Variants in STK24 observed in about 807,000 individuals in gnomAD.
STK24 encodes serine/threonine kinase 24.
In STK24, 21 loss-of-function variants were observed where a neutral mutation model predicts 55.6. That is an observed-to-expected ratio of 0.38 (90% CI 0.27 to 0.54). The LOEUF is 0.54. Among genes scored for constraint, STK24 ranks in the 20% least tolerant of loss-of-function variants. The pLI, the probability that STK24 is intolerant of heterozygous loss-of-function variation, is 0.79. For synonymous variants in STK24, 200 were observed against 215.2 expected (o/e 0.93, Z 0.62); for missense variants, 383 against 538.4 (o/e 0.71, Z 2.86).
intron 2 of STK24, among the ~76,000 whole-genome samples, chr13:98,487,186 G>C (rs1894840286): frequency 6.6e-6 from 1 of 152,212 alleles, no homozygotes; most frequent in African/African-American, 2.4e-5. Context: ...CTCCGGGAAG[G>C]ACCCAGCTCT....
chr13:98,539,746 C>T (rs1896835083), intron 1 of STK24, among the ~76,000 whole-genome samples: 2 of 152,114 alleles, frequency 1.3e-5, no homozygotes, highest in East Asian at 3.8e-4. Context: ...AGCAAAATGA[C>T]GTGGCCACTT....
rs1228507055 is a variant in STK24, at chr13:98,492,076, C to T, written c.274-9755G>A. 3.9e-4 allele frequency among the ~76,000 whole-genome samples: 59 copies of T among 149,638 alleles called. 1 individual carries two copies. The highest frequency in any genetic ancestry group is 1.2e-3 in the African/African-American group (48 of 40,362). Reference sequence around the variant, plus strand: ...ATTCACCTCCTTTAAAGTGCGTGCGCGTGTGTGTGTGTGTGTGTGTGTGTG... The same window carrying T: ...ATTCACCTCCTTTAAAGTGCGTGCGTGTGTGTGTGTGTGTGTGTGTGTGTG... On this transcript the variant is annotated intron_variant, in intron 2 of 10. Transcript: ENST00000539966.
chr13:98,495,310 T>C (rs1236738333), intron 2 of STK24, among the ~76,000 whole-genome samples: 1 of 152,226 alleles, frequency 6.6e-6, no homozygotes, highest in Non-Finnish European at 1.5e-5. Flanking sequence ...TGATCTCTTG[T>C]ATCATGCCAC....
At chr13:98,546,980 C>T (rs1289790547) in intron 1 of STK24, among the ~76,000 whole-genome samples, 4 of 152,106 alleles carry the variant, frequency 2.6e-5, no homozygotes, top group Non-Finnish European at 4.4e-5. Context: ...GGCACCATCT[C>T]GGCTCACCGC....
At chr13:98,530,224 ACTC>A (rs1039205210) in intron 1 of STK24, among the ~76,000 whole-genome samples, 5 of 152,016 alleles carry the variant, frequency 3.3e-5, no homozygotes, top group Non-Finnish European at 5.9e-5. Flanking sequence ...TGTAAAGAGA[ACTC>A]CTAACAATTT....
chr13:98,542,923 C>T (rs1391427058), intron 1 of STK24: 26 of 985,314 alleles, frequency 2.6e-5, no homozygotes, highest in African/African-American at 3.5e-5. Flanking sequence ...CTGACAGGAA[C>T]GGGTGTATTT....
At chr13:98,563,063 G>A (rs34599094) in intron 1 of STK24, among the ~76,000 whole-genome samples, 262 of 152,258 alleles carry the variant, frequency 1.7e-3, no homozygotes, top group Non-Finnish European at 3.2e-3. Context: ...GAAACGATTT[G>A]CTCCACAACA....
chr13:98,566,860 A>C (rs1897586656), intron 1 of STK24, among the ~76,000 whole-genome samples: 1 of 152,216 alleles, frequency 6.6e-6, no homozygotes, highest in African/African-American at 2.4e-5. Flanking sequence ...TCCATCACAC[A>C]TACCACAGGA....
Position 98,539,106 on chromosome 13 carries a change from G to A in STK24, c.43-19633C>T, listed in dbSNP as rs116913931. On this transcript the variant is annotated intron_variant, in intron 1 of 10. Transcript: ENST00000539966. ...TTCCATCAAAGGCTCAGCCTGCTGCGCACTTTGTACACAATTTTCCATTTC... is the reference window on the plus strand; with the variant it reads ...TTCCATCAAAGGCTCAGCCTGCTGCACACTTTGTACACAATTTTCCATTTC... 7.0e-4 allele frequency among the ~76,000 whole-genome samples: 107 copies of A among 152,170 alleles called. No individual in the cohort carries two copies. In the East Asian group the frequency reaches 0.016, roughly 23 times the overall value.
chr13:98,508,347 A>G (rs748511090), intron 2 of STK24, among the ~76,000 whole-genome samples: 3 of 152,244 alleles, frequency 2.0e-5, no homozygotes, highest in Non-Finnish European at 4.4e-5. Context: ...CAGAGAACAC[A>G]CCTGTGGTAT....
In STK24 at chr13:98,457,257, T is replaced by G; in HGVS notation, c.1170A>C (p.Glu390Asp). ...CTAGGTAGATGGCCCCTCGCAGCTCTTCAATGGACCCCAAGTTCCCTCCGC... is the reference window on the plus strand; with the variant it reads ...CTAGGTAGATGGCCCCTCGCAGCTCGTCAATGGACCCCAAGTTCCCTCCGC... ...QACGGNLGSI[E>D]ELRGAIYLAE... The change falls in exon 10 of 11, where the codon GAA (glutamate) becomes GAC (aspartate). Residue 390 changes from glutamate (E) to aspartate (D), a missense_variant. Coordinates refer to ENST00000539966, the MANE Select transcript of STK24 (RefSeq NM_001032296.4). 1 of 1,613,920 alleles carries G rather than the reference T, an allele frequency of 6.2e-7. No individual in the cohort carries two copies. The highest frequency in any genetic ancestry group is 8.5e-7 in the Non-Finnish European group (1 of 1,180,036).
At chr13:98,456,390 G>A (rs1052134156) in intron 10 of STK24, 1 of 439,762 alleles carries the variant, frequency 2.3e-6, no homozygotes, top group South Asian at 1.6e-5. Context: ...ACCTGAAGAT[G>A]AACTGTCAAG....
At chr13:98,476,245 C>CCCG (rs1555303364) in intron 3 of STK24, among the ~76,000 whole-genome samples, 1 of 145,790 alleles carries the variant, frequency 6.9e-6, no homozygotes, top group Non-Finnish European at 1.5e-5. Context: ...GGGAAGCCCC[C>CCCG]CCCCGCCCCC....
intron 1 of STK24, among the ~76,000 whole-genome samples, chr13:98,555,014 C>CA (rs398024117): frequency 0.067 from 5,926 of 88,060 alleles, 369 homozygotes; most frequent in African/African-American, 0.16. Flanking sequence ...GACTCCAACT[C>CA]AAAAAAAAAA....
chr13:98,466,289 G>GATTAA lies in STK24; in HGVS notation c.783+86_783+87insTTAAT. On this transcript the variant is annotated intron_variant, in intron 6 of 10. Coordinates refer to ENST00000539966, the MANE Select transcript of STK24 (RefSeq NM_001032296.4). ...ATAATACCAGGAAGACAGCTGAAAAGAGTGATTAAAGCAATCCCAACAGGA... is the reference window on the plus strand; with the variant it reads ...ATAATACCAGGAAGACAGCTGAAAAGATTAAAGTGATTAAAGCAATCCCAACAGGA... 3.8e-6 allele frequency: 5 copies of GATTAA among 1,304,848 alleles called. No homozygotes were observed. In the East Asian group the frequency reaches 1.2e-4, roughly 32 times the overall value. The allele number at this position is 1,304,848 out of a possible 1,614,324, so 80.8% of individuals were successfully genotyped here.
At chr13:98,556,114 T>C (rs143844206) in intron 1 of STK24, among the ~76,000 whole-genome samples, 1 of 152,296 alleles carries the variant, frequency 6.6e-6, no homozygotes, top group Non-Finnish European at 1.5e-5. Context: ...ACTCTATCTT[T>C]CCTGACTTCT....
chr13:98,477,696 C>T (rs1386464738), intron 3 of STK24, among the ~76,000 whole-genome samples: 2 of 150,414 alleles, frequency 1.3e-5, no homozygotes, highest in African/African-American at 4.9e-5. Context: ...AAAAAAGTCA[C>T]ATTAGAGTCG....
intron 2 of STK24, among the ~76,000 whole-genome samples, chr13:98,489,679 G>A (rs1894945382): frequency 6.6e-6 from 1 of 152,232 alleles, no homozygotes; most frequent in African/African-American, 2.4e-5. Flanking sequence ...CTGAAGGGCT[G>A]TGACCTGCCA....
intron 2 of STK24, among the ~76,000 whole-genome samples, chr13:98,515,127 G>A (rs1267480425): frequency 6.7e-6 from 1 of 149,500 alleles, no homozygotes; most frequent in Non-Finnish European, 1.5e-5. Flanking sequence ...AGATTTGTAA[G>A]TGCTGAAGGG....
Sources: allele counts gnomAD v4.1 joint callset (sites outside exome capture counted in the v4.1 genomes callset), GRCh38; gene constraint gnomAD v4.1.1; transcripts MANE v1.5; gene names NCBI Gene and HGNC (gene_info 2026-07-23, HGNC 2026-07-21).